TFDP1: variants seen among roughly 807,000 people sequenced by gnomAD.
TFDP1 encodes the protein DRTF1-polypeptide 1.
Under a neutral mutation model 48.0 loss-of-function variants are expected in TFDP1, and 6 were observed. The observed-to-expected ratio is 0.13, with a 90% CI of 0.07 to 0.25. The LOEUF is 0.25. Among genes scored for constraint, TFDP1 ranks in the 10% least tolerant of loss-of-function variants. The pLI is 1.00. For missense variants in TFDP1, 335 were observed against 543.0 expected (o/e 0.62, Z 3.81); for synonymous variants, 201 against 211.6 (o/e 0.95, Z 0.44).
intron 9 of TFDP1, 80 bp from the exon 10 acceptor site, chr13:113,636,454 T>C (rs947923525): frequency 8.6e-6 from 13 of 1,507,600 alleles, no homozygotes; most frequent in Non-Finnish European, 1.0e-5. Flanking sequence ...GGTCAGCGGG[T>C]CAGCCGTCCT....
intron 2 of TFDP1, among the ~76,000 whole-genome samples, chr13:113,591,023 A>AAAAG (rs2048129545): frequency 1.3e-5 from 2 of 148,734 alleles, no homozygotes; most frequent in South Asian, 2.1e-4. Flanking sequence ...AAAAAAAAAA[A>AAAAG]AAAAAAAGAA....
At chr13:113,640,020 C>T in intron 11 of TFDP1, 100 bp from the exon 12 acceptor site, 1 of 872,728 alleles carries the variant, frequency 1.1e-6, no homozygotes, top group South Asian at 1.7e-5. Context: ...AAAACCCACA[C>T]CTGTGGGGCA....
At position 113,614,189 on chromosome 13, in the gene TFDP1, ATGTG is replaced by A. The variant is rs985462281; in HGVS notation, c.79+3133_79+3136del. ...TGTGTGCATGAGTTGAATGAGTTGT[ATGTG>A]TGTGTTGTGTGCGAGTTGAGTATGA... On this transcript the variant is annotated intron_variant, in intron 3 of 11. Coordinates refer to ENST00000375370, the MANE Select transcript of TFDP1 (RefSeq NM_007111.5). Among the ~76,000 whole-genome samples, 3 of 149,374 alleles carry A rather than the reference ATGTG, an allele frequency of 2.0e-5. No homozygotes were observed. The South Asian group carries it at 6.4e-4, about 32-fold the overall frequency.
At chr13:113,597,913 T>C (rs909220155) in intron 2 of TFDP1, among the ~76,000 whole-genome samples, 1 of 152,102 alleles carries the variant, frequency 6.6e-6, no homozygotes, top group African/African-American at 2.4e-5. Context: ...TTAGAATGAT[T>C]GAGGGGGTGG....
chr13:113,601,680 A>G, intron 2 of TFDP1, among the ~76,000 whole-genome samples: 1 of 152,226 alleles, frequency 6.6e-6, no homozygotes, highest in Middle Eastern at 3.2e-3. Context: ...CTGGGGTCCC[A>G]GGCCCGGCCC....
chr13:113,612,172 T>C (rs1261832367), intron 3 of TFDP1, among the ~76,000 whole-genome samples: 1 of 152,208 alleles, frequency 6.6e-6, no homozygotes, highest in Non-Finnish European at 1.5e-5. Context: ...TGTCCAGTGC[T>C]GGTGCGGGCG....
At chr13:113,628,018 G>GCT (rs35802119) in intron 4 of TFDP1, among the ~76,000 whole-genome samples, 10,113 of 152,244 alleles carry the variant, frequency 0.066, 942 homozygotes, top group African/African-American at 0.21. Flanking sequence ...TCCACCTGGA[G>GCT]CTGTTTTCTA....
chr13:113,588,407 A>G (rs2048056641), intron 2 of TFDP1, among the ~76,000 whole-genome samples: 1 of 152,184 alleles, frequency 6.6e-6, no homozygotes, highest in Non-Finnish European at 1.5e-5. Context: ...GAGAGAACAC[A>G]AGAGAAAAAC....
chr13:113,640,009 C>A (rs1428540641), intron 11 of TFDP1, 111 bp from the exon 12 acceptor site: 2 of 784,640 alleles, frequency 2.5e-6, no homozygotes, highest in African/African-American at 1.8e-5. Context: ...GTGTGACTGA[C>A]AAAACCCACA....
At position 113,607,570 on chromosome 13, in the gene TFDP1, G is replaced by T. The variant is rs531005482; in HGVS notation, c.13-3426G>T. 6.6e-6 allele frequency among the ~76,000 whole-genome samples: 1 copy of T among 152,178 alleles called. No homozygotes were observed. The highest frequency in any genetic ancestry group is 1.5e-5 in the Non-Finnish European group (1 of 68,028). Reference sequence around the variant, plus strand: ...CATTGCTGCCGTCACTGTGTGCTGCGCATGCCCTGCAGTTACCCCAGAGCT... The same window carrying T: ...CATTGCTGCCGTCACTGTGTGCTGCTCATGCCCTGCAGTTACCCCAGAGCT... On this transcript the variant is annotated intron_variant, in intron 2 of 11. Coordinates refer to ENST00000375370, the MANE Select transcript of TFDP1 (RefSeq NM_007111.5). This position sits in a 1 kb window ranked among gnomAD's most constrained non-coding sequence, Gnocchi z 5.2.
At chr13:113,605,778 GT>G (rs1349794129) in intron 2 of TFDP1, among the ~76,000 whole-genome samples, 3 of 152,262 alleles carry the variant, frequency 2.0e-5, no homozygotes, top group African/African-American at 7.2e-5. Context: ...ACAGAAGTCA[GT>G]TCAGGGAGGA....
intron 3 of TFDP1, among the ~76,000 whole-genome samples, chr13:113,620,687 G>T (rs1159902729): frequency 6.6e-6 from 1 of 152,162 alleles, no homozygotes; most frequent in Non-Finnish European, 1.5e-5. Flanking sequence ...TTTCGAATAT[G>T]TACAATCTTT....
intron 8 of TFDP1, among the ~76,000 whole-genome samples, chr13:113,635,694 T>C (rs1227525701): frequency 6.6e-6 from 1 of 152,136 alleles, no homozygotes; most frequent in East Asian, 1.9e-4. Context: ...ACTTCCAAAA[T>C]TGGTGTTTTG....
chr13:113,587,754 G>A (rs747505204), intron 2 of TFDP1, among the ~76,000 whole-genome samples: 3 of 152,078 alleles, frequency 2.0e-5, no homozygotes, highest in African/African-American at 4.8e-5. Flanking sequence ...GTGAGCCACC[G>A]CGCCCGGCCT....
chr13:113,616,601 T>G (rs1247257492), intron 3 of TFDP1, among the ~76,000 whole-genome samples: 1 of 152,224 alleles, frequency 6.6e-6, no homozygotes, highest in African/African-American at 2.4e-5. Context: ...CCCTTTGTTG[T>G]GTCTTTACTT....
intron 2 of TFDP1, among the ~76,000 whole-genome samples, chr13:113,606,562 A>T (rs1351186783): frequency 6.6e-6 from 1 of 152,096 alleles, no homozygotes; most frequent in East Asian, 1.9e-4. Flanking sequence ...GGAGGACCAC[A>T]TGTGAAGACG....
Position 113,623,257 on chromosome 13 carries a change from C to G in TFDP1, c.157C>G (p.Gln53Glu), listed in dbSNP as rs2049039927. 6.2e-7 allele frequency: 1 copy of G among 1,612,992 alleles called. No homozygotes were observed. The highest frequency in any genetic ancestry group is 8.5e-7 in the Non-Finnish European group (1 of 1,179,574). The part of the protein sequence containing the change: ...GKQLLPKTFG[Q>E]SNVNIAQQVV... ...GCAGCTCTTGCCAAAAACCTTTGGACAGTCCAATGTCAACATTGCCCAGCA... is the reference window on the plus strand; with the variant it reads ...GCAGCTCTTGCCAAAAACCTTTGGAGAGTCCAATGTCAACATTGCCCAGCA... Residue 53 changes from glutamine to glutamate, a missense_variant, in exon 4 of 12, where the codon CAG (glutamine) becomes GAG (glutamate). Coordinates refer to ENST00000375370, the MANE Select transcript of TFDP1 (RefSeq NM_007111.5). The surrounding 1 kb of genome is among the most constrained non-coding windows in gnomAD (Gnocchi z 5.2).
Position 113,627,325 on chromosome 13 carries a change from G to A in TFDP1, c.186+4039G>A, listed in dbSNP as rs550736819. ...TCAGCACGCGCACAGGAACGTGTGC[G>A]GGACAGAGGACATATGTGCTCAGCC... On this transcript the variant is annotated intron_variant, in intron 4 of 11. Coordinates refer to ENST00000375370, the MANE Select transcript of TFDP1 (RefSeq NM_007111.5). This position sits in a 1 kb window ranked among gnomAD's most constrained non-coding sequence, Gnocchi z 4.1. Among the ~76,000 whole-genome samples the A allele has an allele frequency of 1.3e-5, 2 of 152,258 alleles. No homozygotes were observed. The highest frequency in any genetic ancestry group is 2.1e-4 in the South Asian group (1 of 4,828).
chr13:113,603,377 C>T (rs967137536), intron 2 of TFDP1, among the ~76,000 whole-genome samples: 17 of 152,188 alleles, frequency 1.1e-4, no homozygotes, highest in African/African-American at 3.9e-4. Context: ...GCCCGGGCAG[C>T]GCCTCCATCC....
Sources: allele counts gnomAD v4.1 joint callset (sites outside exome capture counted in the v4.1 genomes callset), GRCh38; gene constraint gnomAD v4.1.1; non-coding constraint Gnocchi (gnomAD v3.1); transcripts MANE v1.5; gene names NCBI Gene and HGNC (gene_info 2026-07-23, HGNC 2026-07-21).